MTMR3: variants seen among roughly 807,000 people sequenced by gnomAD.
The protein encoded by MTMR3 is myotubularin related protein 3.
A neutral mutation model predicts 132.4 loss-of-function variants in MTMR3; 32 were observed. The ratio of observed to expected loss-of-function variants is 0.24; its 90% CI spans 0.18 to 0.32. The LOEUF is 0.32. Among genes scored for constraint, MTMR3 ranks in the 10% least tolerant of loss-of-function variants. MTMR3 has a pLI of 1.00. For missense variants in MTMR3, 1,216 were observed against 1,489.6 expected, an observed-to-expected ratio of 0.82 and a Z score of 3.02; for synonymous variants, 556 against 550.3, an observed-to-expected ratio of 1.01 and a Z score of -0.14.
chr22:29,948,440 A>G (rs752086022), intron 1 of MTMR3, among the ~76,000 whole-genome samples: 42 of 152,342 alleles, frequency 2.8e-4, no homozygotes, highest in Non-Finnish European at 1.2e-4. Flanking sequence ...CAGGTTAGCT[A>G]GGTTTGGGAT....
chr22:29,941,497 T>C (rs2065856421), intron 1 of MTMR3, among the ~76,000 whole-genome samples: 1 of 151,876 alleles, frequency 6.6e-6, no homozygotes, highest in Non-Finnish European at 1.5e-5. Context: ...TCCTCCAAAG[T>C]GGTAATGCCA....
intron 6 of MTMR3, chr22:29,990,479 A>G (rs535695297): frequency 1.1e-4 from 16 of 152,206 alleles, no homozygotes; most frequent in Non-Finnish European, 1.6e-4. Flanking sequence ...TTTTTGATAG[A>G]TACTGGCTAC....
chr22:29,927,133 A>G (rs1378537806), intron 1 of MTMR3, among the ~76,000 whole-genome samples: 8 of 152,240 alleles, frequency 5.3e-5, no homozygotes, highest in Admixed American at 2.6e-4. Flanking sequence ...GTTAAATAAC[A>G]TAGATGTTAA....
At position 30,027,690 on chromosome 22, in the gene MTMR3, G is replaced by C. The variant is rs1234748627; in HGVS notation, c.*1889G>C. 2.0e-5 allele frequency: 3 copies of C among 152,596 alleles called. No individual in the cohort carries two copies. The highest frequency in any genetic ancestry group is 7.3e-5 in the African/African-American group (3 of 41,378). 9.5% of individuals were successfully genotyped at this position (152,596 alleles called of 1,614,324 possible). A position where few individuals can be genotyped will look rare whatever the true frequency, so the allele number is the denominator to read the frequency against. Reference sequence around the variant, plus strand: ...CACTTTTTTATTAATATTTTCCTTTGTTAAAGGAGGAACCGTAACTCTCCA... The same window carrying C: ...CACTTTTTTATTAATATTTTCCTTTCTTAAAGGAGGAACCGTAACTCTCCA... On this transcript the variant is annotated 3_prime_UTR_variant, in exon 20 of 20. Coordinates refer to ENST00000401950, the MANE Select transcript of MTMR3 (RefSeq NM_021090.4).
At chr22:30,013,137 GT>G (rs1277638743) in intron 13 of MTMR3, 1 of 397,358 alleles carries the variant, frequency 2.5e-6, no homozygotes, top group Non-Finnish European at 4.5e-6. Flanking sequence ...GATAAACGCA[GT>G]CAGTACCATT....
chr22:29,994,291 T>G (rs1292685874), intron 7 of MTMR3: 7 of 264,034 alleles, frequency 2.7e-5, no homozygotes, highest in Non-Finnish European at 4.1e-5. Flanking sequence ...ATCTTGTATT[T>G]CAGTGACTTG....
chr22:29,945,712 G>GAAAAAAAAAAAAAAAAA (rs1238843477), intron 1 of MTMR3, among the ~76,000 whole-genome samples: 4 of 78,106 alleles, frequency 5.1e-5, no homozygotes, highest in African/African-American at 2.6e-4. Context: ...TCTTTAAAAT[G>GAAAAAAAAAAAAAAAAA]AAAAAGAAAA....
chr22:30,013,672 C>CTTT, intron 14 of MTMR3, 131 bp downstream of exon 14: 2 of 749,964 alleles, frequency 2.7e-6, no homozygotes, highest in Non-Finnish European at 3.8e-6. Flanking sequence ...CCTGTTTCTG[C>CTTT]TTTTTTTTTT....
intron 1 of MTMR3, among the ~76,000 whole-genome samples, chr22:29,905,679 T>G (rs954679166): frequency 6.6e-6 from 1 of 152,256 alleles, no homozygotes; most frequent in Non-Finnish European, 1.5e-5. Flanking sequence ...TTGGGGAATA[T>G]CTTGCCTTTA....
intron 1 of MTMR3, among the ~76,000 whole-genome samples, chr22:29,887,787 A>G (rs2064707960): frequency 6.6e-6 from 1 of 152,248 alleles, no homozygotes; most frequent in African/African-American, 2.4e-5. Context: ...AGCAGGTGGC[A>G]GTGTCATAGG....
At chr22:29,911,668 G>A (rs548998012) in intron 1 of MTMR3, among the ~76,000 whole-genome samples, 12 of 150,684 alleles carry the variant, frequency 8.0e-5, no homozygotes, top group Non-Finnish European at 1.3e-4. Context: ...GGCTTTCTAC[G>A]TATTTAAAAA....
At chr22:29,952,657 A>C (rs918065181) in intron 1 of MTMR3, among the ~76,000 whole-genome samples, 2 of 150,736 alleles carry the variant, frequency 1.3e-5, no homozygotes, top group African/African-American at 4.9e-5. Context: ...CACTCAGAAA[A>C]ACACGATGAA....
At chr22:29,952,224 C>T (rs2066096442) in intron 1 of MTMR3, among the ~76,000 whole-genome samples, 2 of 151,972 alleles carry the variant, frequency 1.3e-5, no homozygotes, top group African/African-American at 4.8e-5. Context: ...TTTTTTTCCC[C>T]CTCGGGAGAG....
chr22:30,013,304 C>G, intron 13 of MTMR3, 52 bp from the exon 14 acceptor site: 1 of 1,584,608 alleles, frequency 6.3e-7, no homozygotes, highest in Non-Finnish European at 8.6e-7. Flanking sequence ...TTAGGACTGT[C>G]ACAGTCTGGA....
Position 29,988,183 on chromosome 22 carries a change from C to G in MTMR3, c.211-297C>G, listed in dbSNP as rs1169712419. The G allele has an allele frequency of 1.9e-5, 4 of 205,666 alleles. No individual in the cohort carries two copies. The East Asian group carries it at 4.4e-4, about 23-fold the overall frequency. The allele number at this position is 205,666 out of a possible 1,614,324, so 12.7% of individuals were successfully genotyped here. A position where few individuals can be genotyped will look rare whatever the true frequency, so the allele number is the denominator to read the frequency against. On this transcript the variant is annotated intron_variant, in intron 5 of 19. Coordinates refer to ENST00000401950, the MANE Select transcript of MTMR3 (RefSeq NM_021090.4). ...AGTTATAGCATCTAAAAGTAGTACTCTGATCTTGTGAATTCGGTGCCTGAG... is the reference window on the plus strand; with the variant it reads ...AGTTATAGCATCTAAAAGTAGTACTGTGATCTTGTGAATTCGGTGCCTGAG...
intron 1 of MTMR3, among the ~76,000 whole-genome samples, chr22:29,934,197 A>C (rs1045523766): frequency 2.6e-5 from 4 of 152,152 alleles, no homozygotes; most frequent in Non-Finnish European, 4.4e-5. Context: ...TACTAAAAAT[A>C]CAAAAAATTA....
chr22:29,892,579 A>G (rs1016109469), intron 1 of MTMR3, among the ~76,000 whole-genome samples: 3 of 152,220 alleles, frequency 2.0e-5, no homozygotes, highest in Admixed American at 6.5e-5. Flanking sequence ...TTGAGTTAGA[A>G]TAAGTTGCTT....
chr22:29,934,467 T>C (rs2065709011), intron 1 of MTMR3, among the ~76,000 whole-genome samples: 1 of 152,240 alleles, frequency 6.6e-6, no homozygotes, highest in Admixed American at 6.5e-5. Context: ...TTGGCTATTC[T>C]AGAGCCCAAT....
chr22:29,982,935 G>GTT (rs368961635), intron 5 of MTMR3: 1 of 131,216 alleles, frequency 7.6e-6, no homozygotes, highest in Non-Finnish European at 1.6e-5. Flanking sequence ...TTAAAAGTTT[G>GTT]TTTGTGTGTG....
Sources: gnomAD v4.1 joint callset for allele counts (sites outside exome capture counted in the v4.1 genomes callset) on GRCh38, gnomAD v4.1.1 for gene constraint, MANE v1.5 for transcripts, NCBI Gene and HGNC (gene_info 2026-07-23, HGNC 2026-07-21) for gene names.